Variants in DNAAF11 observed in about 807,000 individuals in gnomAD.
DNAAF11 encodes dynein axonemal assembly factor 11.
A neutral mutation model predicts 60.8 loss-of-function variants in DNAAF11; 45 were observed. The observed-to-expected ratio is 0.74, with a 90% CI of 0.58 to 0.95. DNAAF11 has a LOEUF of 0.95. Ranked by LOEUF, DNAAF11 falls within the 40% of genes least tolerant of loss-of-function variation. DNAAF11 has a pLI of 0.00. For synonymous variants in DNAAF11, 191 were observed against 183.5 expected (o/e 1.04, Z -0.33); for missense variants, 546 against 546.2 (o/e 1.00, Z 0.00).
intron 1 of DNAAF11, chr8:132,675,276 G>C: frequency 2.0e-6 from 1 of 511,824 alleles, no homozygotes; most frequent in Admixed American, 3.6e-5. Flanking sequence ...TTAGGAACCT[G>C]AGCTGGAAAA....
At chr8:132,678,312 C>T (rs894326999), upstream of DNAAF11, among the ~76,000 whole-genome samples, 10 of 152,208 alleles carry the variant, frequency 6.6e-5, no homozygotes, top group African/African-American at 2.4e-4. Flanking sequence ...GTACACTGGA[C>T]ATCATAACTC....
rs184161132 is a variant in DNAAF11 at position 132,604,036 on chromosome 8, A to C, written c.1140+6130T>G. Among the ~76,000 whole-genome samples, 27 of 152,226 alleles carry C rather than the reference A, an allele frequency of 1.8e-4. No homozygotes were observed. In the East Asian group the frequency reaches 5.2e-3, roughly 29 times the overall value. On this transcript the variant is annotated intron_variant, in intron 10 of 11. Coordinates refer to ENST00000620350, the MANE Select transcript of DNAAF11 (RefSeq NM_012472.6). Reference sequence around the variant, plus strand: ...AGCCATTATGGTTAAAGTTTGTGGAAATTATCTTTTGAGGCTTCCACTTTT... The same window carrying C: ...AGCCATTATGGTTAAAGTTTGTGGACATTATCTTTTGAGGCTTCCACTTTT...
At chr8:132,599,398 G>C (rs1399107203) in intron 10 of DNAAF11, among the ~76,000 whole-genome samples, 2 of 152,154 alleles carry the variant, frequency 1.3e-5, no homozygotes, top group Non-Finnish European at 2.9e-5. Context: ...AATAGAAAAA[G>C]ACAGAATACT....
Position 132,637,932 on chromosome 8 carries a change from T to C in DNAAF11, c.429+3A>G. 9 of 1,600,454 alleles carry C rather than the reference T, an allele frequency of 5.6e-6. No homozygotes were observed. The highest frequency in any genetic ancestry group is 7.7e-6 in the Non-Finnish European group (9 of 1,173,322). ...GATTTCTGCACCATTAAAAGAACCA[T>C]ACCTTTAATTGTGGAAGAGTTGCTA... On this transcript the variant is annotated splice_donor_region_variant and intron_variant, in intron 4 of 11. Transcript: ENST00000620350.
intron 1 of DNAAF11, among the ~76,000 whole-genome samples, chr8:132,663,950 A>T (rs1191772003): frequency 2.6e-5 from 4 of 152,242 alleles, no homozygotes; most frequent in African/African-American, 9.6e-5. Context: ...GCCAGGACAG[A>T]GTCAGAGATG....
At chr8:132,633,828 C>G (rs1325099684) in intron 4 of DNAAF11, among the ~76,000 whole-genome samples, 2 of 152,046 alleles carry the variant, frequency 1.3e-5, no homozygotes, top group Non-Finnish European at 2.9e-5. Context: ...GGCCATGAGC[C>G]TAAAAATGCA....
At chr8:132,643,857 G>A (rs1822100462) in intron 3 of DNAAF11, among the ~76,000 whole-genome samples, 1 of 152,006 alleles carries the variant, frequency 6.6e-6, no homozygotes, top group African/African-American at 2.4e-5. Context: ...GATTGACAAG[G>A]GACATAAGTA....
chr8:132,579,366 G>A (rs1815084718), intron 11 of DNAAF11, among the ~76,000 whole-genome samples: 1 of 152,118 alleles, frequency 6.6e-6, no homozygotes, highest in Non-Finnish European at 1.5e-5. Context: ...ACCGCAGGGG[G>A]CTCAGGGAAG....
At chr8:132,601,920 A>G (rs913082494) in intron 10 of DNAAF11, among the ~76,000 whole-genome samples, 1 of 151,658 alleles carries the variant, frequency 6.6e-6, no homozygotes, top group African/African-American at 2.4e-5. Flanking sequence ...TTAAAGTATA[A>G]TAATAATAAT....
intron 11 of DNAAF11, among the ~76,000 whole-genome samples, chr8:132,582,536 T>C (rs1392100449): frequency 3.3e-5 from 5 of 152,202 alleles, no homozygotes; most frequent in Admixed American, 6.5e-5. Context: ...ATAATAGACA[T>C]AATACCCATG....
intron 11 of DNAAF11, among the ~76,000 whole-genome samples, chr8:132,574,448 AC>A (rs1814527797): frequency 6.6e-6 from 1 of 152,206 alleles, no homozygotes; most frequent in African/African-American, 2.4e-5. Context: ...GCCTACCAGC[AC>A]CCAACAAAAC....
chr8:132,659,860 T>A (rs965061108), intron 2 of DNAAF11, among the ~76,000 whole-genome samples: 2 of 152,108 alleles, frequency 1.3e-5, no homozygotes, highest in African/African-American at 4.8e-5. Flanking sequence ...CACTGTAGGA[T>A]GGTTTGCAGT....
the DNAAF11 span, among the ~76,000 whole-genome samples, chr8:132,688,355 G>T: frequency 1.3e-5 from 2 of 152,124 alleles, no homozygotes; most frequent in African/African-American, 4.8e-5. Context: ...CATCCATTCT[G>T]TCTTCTGGTA....
intron 10 of DNAAF11, among the ~76,000 whole-genome samples, chr8:132,586,268 A>G (rs1586485592): frequency 6.6e-6 from 1 of 152,182 alleles, no homozygotes; most frequent in Non-Finnish European, 1.5e-5. Context: ...CTGTTTTTCA[A>G]TATTTCCTAG....
intron 6 of DNAAF11, among the ~76,000 whole-genome samples, chr8:132,624,818 T>C (rs939724270): frequency 1.2e-4 from 18 of 152,264 alleles, no homozygotes; most frequent in African/African-American, 3.6e-4. Flanking sequence ...AACTCAAAAG[T>C]GAAATCATGC....
the DNAAF11 span, among the ~76,000 whole-genome samples, chr8:132,697,623 G>A: frequency 1.5e-4 from 22 of 146,886 alleles, no homozygotes; most frequent in African/African-American, 1.5e-4. Context: ...ATCTCAAAAA[G>A]AAAAAAAAAA....
At chr8:132,673,666 G>C (rs562640375) in intron 1 of DNAAF11, among the ~76,000 whole-genome samples, 1 of 152,054 alleles carries the variant, frequency 6.6e-6, no homozygotes, top group African/African-American at 2.4e-5. Flanking sequence ...TCACCTCTGG[G>C]CAATTCACTG....
chr8:132,698,283 C>A, the DNAAF11 span, among the ~76,000 whole-genome samples: 1 of 152,152 alleles, frequency 6.6e-6, no homozygotes, highest in Non-Finnish European at 1.5e-5. Flanking sequence ...TTTGTGCTAA[C>A]GAGAAACCTG....
chr8:132,676,205 T>A (rs1825754532), upstream of DNAAF11, among the ~76,000 whole-genome samples: 1 of 152,050 alleles, frequency 6.6e-6, no homozygotes, highest in Admixed American at 6.5e-5. Flanking sequence ...CTCTTAATTG[T>A]AAAATGTAGG....
Sources: allele counts gnomAD v4.1 joint callset (sites outside exome capture counted in the v4.1 genomes callset), GRCh38; gene constraint gnomAD v4.1.1; transcripts MANE v1.5; gene names NCBI Gene and HGNC (gene_info 2026-07-23, HGNC 2026-07-21).